Variants in SUMF2 observed in about 807,000 individuals in gnomAD.
The protein encoded by SUMF2 is inactive C-alpha-formylglycine-generating enzyme 2.
In SUMF2, 45 loss-of-function variants were observed where a neutral mutation model predicts 44.8. The ratio of observed to expected loss-of-function variants is 1.00; its 90% CI spans 0.79 to 1.29. The LOEUF is 1.29. Among genes scored for constraint, SUMF2 ranks in the 50% most tolerant of loss-of-function variants. SUMF2 has a pLI of 0.00. For synonymous variants in SUMF2, 148 were observed against 150.4 expected (o/e 0.98, Z 0.12); for missense variants, 418 against 389.9 (o/e 1.07, Z -0.61).
chr7:56,065,773 A>G (rs1433858390), intron 1 of SUMF2, among the ~76,000 whole-genome samples: 1 of 151,944 alleles, frequency 6.6e-6, no homozygotes, highest in East Asian at 1.9e-4. Flanking sequence ...TTCCCTTTGC[A>G]ATATATTTGT....
chr7:56,072,548 C>A (rs1200702585), intron 2 of SUMF2, among the ~76,000 whole-genome samples: 1 of 152,094 alleles, frequency 6.6e-6, no homozygotes. Context: ...CATGGTGAAA[C>A]CCTGTCACTA....
chr7:56,072,101 G>C (rs1219601351), intron 2 of SUMF2, among the ~76,000 whole-genome samples: 1 of 116,148 alleles, frequency 8.6e-6, no homozygotes, highest in Non-Finnish European at 1.7e-5. Flanking sequence ...GTCTTTTTGA[G>C]ACAGAGCAAG....
intron 2 of SUMF2, among the ~76,000 whole-genome samples, chr7:56,070,941 T>A (rs755862140): frequency 6.6e-6 from 1 of 152,152 alleles, no homozygotes; most frequent in Non-Finnish European, 1.5e-5. Flanking sequence ...TTATATGGTG[T>A]TCTGGGAAAG....
At position 56,080,136 on chromosome 7, in the gene SUMF2, T is replaced by TA. The variant is rs1403421649; in HGVS notation, c.*527dup. ...TGTAACAGGCAGACATGTAACTATT[T>TA]AAAGCACAGTTCAGTCCTAAAAGGG... On this transcript the variant is annotated 3_prime_UTR_variant, in exon 9 of 9. Transcript: ENST00000434526. 3.6e-5 allele frequency: 17 copies of TA among 469,590 alleles called. No individual in the cohort carries two copies. The highest frequency in any genetic ancestry group is 3.0e-5 in the Non-Finnish European group (8 of 262,582). The allele number at this position is 469,590 out of a possible 1,614,324, so 29.1% of individuals were successfully genotyped here. A position where few individuals can be genotyped will look rare whatever the true frequency, so the allele number is the denominator to read the frequency against.
chr7:56,076,779 C>G (rs1795580588), intron 5 of SUMF2, 55 bp from the exon 6 acceptor site: 1 of 1,485,302 alleles, frequency 6.7e-7, no homozygotes, highest in East Asian at 2.4e-5. Flanking sequence ...GTTCTTTTTT[C>G]CTTCCCTAAT....
chr7:56,068,378 G>A, intron 1 of SUMF2, 104 bp from the exon 2 acceptor site: 2 of 1,167,724 alleles, frequency 1.7e-6, no homozygotes, highest in South Asian at 1.7e-5. Context: ...CACATTTTTT[G>A]TTGTGTTTTG....
Position 56,074,728 on chromosome 7 carries a change from G to T in SUMF2, c.527G>T (p.Gly176Val). Residue 176 changes from glycine to valine, a missense_variant, in exon 5 of 9, where the codon GGC becomes GTC. Gly to Val is a moderately radical substitution (Grantham distance 109). Coordinates refer to ENST00000434526, the MANE Select transcript of SUMF2 (RefSeq NM_015411.4). ...GAGTGGGAGTTTGCCGCCCGAGGGG[G>T]CTTGAAGGGTATCCAGATGATAAGG... ...EEEWEFAARGGLKGQVYPWGN... is the reference protein window; with the variant it reads ...EEEWEFAARGVLKGQVYPWGN... 12 of 1,614,164 alleles carry T rather than the reference G, an allele frequency of 7.4e-6. No homozygotes were observed. Among genetic ancestry groups the T allele is most frequent in the Non-Finnish European group, 1.0e-5 (12 of 1,180,042 alleles).
chr7:56,065,996 G>A (rs1301660584), intron 1 of SUMF2, among the ~76,000 whole-genome samples: 1 of 145,498 alleles, frequency 6.9e-6, no homozygotes, highest in Non-Finnish European at 1.5e-5. Flanking sequence ...CGGGAGAATC[G>A]CTTGAACCCA....
intron 1 of SUMF2, among the ~76,000 whole-genome samples, chr7:56,067,894 GAAA>G (rs71015177): frequency 9.6e-5 from 7 of 72,796 alleles, no homozygotes; most frequent in East Asian, 6.8e-4. Context: ...ATCCTGTCAC[GAAA>G]AAAAAAAAAA....
chr7:56,076,798 TC>T (rs758779335), intron 5 of SUMF2, 35 bp from the exon 6 acceptor site: 4 of 1,552,214 alleles, frequency 2.6e-6, no homozygotes, highest in African/African-American at 2.8e-5. Context: ...ATTCTTCACC[TC>T]CCCCTCCTCT....
At chr7:56,085,470 C>T (rs1324655374), downstream of SUMF2, among the ~76,000 whole-genome samples, 3 of 152,160 alleles carry the variant, frequency 2.0e-5, no homozygotes, top group Non-Finnish European at 4.4e-5. Context: ...AAATAAGGGG[C>T]TCATCTTACT....
chr7:56,087,798 G>A, the SUMF2 span: 1 of 1,593,992 alleles, frequency 6.3e-7, no homozygotes, highest in Admixed American at 1.7e-5. Flanking sequence ...GAGGACAGAT[G>A]GCCTCGGGGG....
intron 6 of SUMF2, 89 bp from the exon 7 acceptor site, chr7:56,078,013 G>C (rs955742218): frequency 8.7e-7 from 1 of 1,144,170 alleles, no homozygotes. Flanking sequence ...AGATGCAACA[G>C]CAAGACGACC....
At chr7:56,081,608 C>T (rs1467841467), downstream of SUMF2, 2 of 1,611,506 alleles carry the variant, frequency 1.2e-6, no homozygotes, top group African/African-American at 1.3e-5. The surrounding 1 kb of genome is among the most constrained non-coding windows in gnomAD (Gnocchi z 4.6). Context: ...AGCTGGCGGG[C>T]CTGGATCAGG....
chr7:56,077,498 C>T (rs1389741405), intron 6 of SUMF2, among the ~76,000 whole-genome samples: 2 of 150,554 alleles, frequency 1.3e-5, no homozygotes, highest in Non-Finnish European at 3.0e-5. Context: ...CCTGCTTCTA[C>T]AAAAAATAAA....
Position 56,078,168 on chromosome 7 carries a change from C to T in SUMF2, c.658C>T (p.Pro220Ser). The change falls in exon 7 of 9, where the codon CCC (proline) becomes TCC (serine). Residue 220 changes from proline to serine, a missense_variant. Coordinates refer to ENST00000434526, the MANE Select transcript of SUMF2 (RefSeq NM_015411.4). ...FHGVSPVNAF[P>S]AQNNYGLYDL... The stretch of plus-strand genomic sequence containing the variant: ...TGGAGTCTCCCCAGTGAATGCTTTC[C>T]CCGCCCAGAACAACTACGGTAAGAG... The T allele has an allele frequency of 6.2e-7, 1 of 1,612,160 alleles. No individual in the cohort carries two copies. Among genetic ancestry groups the T allele is most frequent in the Non-Finnish European group, 8.5e-7 (1 of 1,178,420 alleles).
the SUMF2 span, among the ~76,000 whole-genome samples, chr7:56,085,676 G>T: frequency 2.0e-4 from 30 of 152,204 alleles, 1 homozygote; most frequent in African/African-American, 6.7e-4. Context: ...TTTTCAAAAG[G>T]AAGTCAGCCT....
Position 56,079,971 on chromosome 7 carries a change from A to G in SUMF2, c.*359A>G. 8.7e-7 allele frequency: 1 copy of G among 1,145,102 alleles called. No individual in the cohort carries two copies. Among genetic ancestry groups the G allele is most frequent in the African/African-American group, 1.6e-5 (1 of 63,778 alleles). 70.9% of individuals were successfully genotyped at this position (1,145,102 alleles called of 1,614,324 possible). A position where few individuals can be genotyped will look rare whatever the true frequency, so the allele number is the denominator to read the frequency against. ...TTCTCTCCCCCTTTCTCCCTGGATGATTCAGGAAGCTGACATTGTTTCCTC... is the reference window on the plus strand; with the variant it reads ...TTCTCTCCCCCTTTCTCCCTGGATGGTTCAGGAAGCTGACATTGTTTCCTC... On this transcript the variant is annotated 3_prime_UTR_variant, in exon 9 of 9. Transcript: ENST00000434526.
chr7:56,074,340 A>G, intron 4 of SUMF2, 122 bp downstream of exon 4: 1 of 1,190,384 alleles, frequency 8.4e-7, no homozygotes, highest in Non-Finnish European at 1.2e-6. Flanking sequence ...ATAGGGGAAT[A>G]TCAGGGAAAG....
Sources: allele counts gnomAD v4.1 joint callset (sites outside exome capture counted in the v4.1 genomes callset), GRCh38; gene constraint gnomAD v4.1.1; non-coding constraint Gnocchi (gnomAD v3.1); transcripts MANE v1.5; gene names NCBI Gene and HGNC (gene_info 2026-07-23, HGNC 2026-07-21).